The following PAPPA2 variants were observed in gnomAD, a reference collection of about 807,000 sequenced individuals.
PAPPA2 encodes pappalysin 2, also known as pappalysin-2.
PAPPA2 carries 86 observed loss-of-function variants against 176.4 expected under a neutral mutation model. The ratio of observed to expected loss-of-function variants is 0.49; its 90% CI spans 0.41 to 0.58. PAPPA2 has a LOEUF of 0.58. Ranked by LOEUF, PAPPA2 falls within the 20% of genes least tolerant of loss-of-function variation. PAPPA2 has a pLI of 0.00. For missense variants in PAPPA2, 2,073 were observed against 2,256.9 expected (o/e 0.92, Z 1.65); for synonymous variants, 809 against 852.2 (o/e 0.95, Z 0.88).
intron 1 of PAPPA2, among the ~76,000 whole-genome samples, chr1:176,499,708 G>T (rs1647851051): frequency 1.3e-5 from 2 of 152,080 alleles, no homozygotes; most frequent in South Asian, 4.1e-4. Flanking sequence ...TCTGAGGCCA[G>T]AAAAAAACCA....
At chr1:176,514,184 A>G (rs1648773417) in intron 1 of PAPPA2, among the ~76,000 whole-genome samples, 1 of 152,208 alleles carries the variant, frequency 6.6e-6, no homozygotes, top group Non-Finnish European at 1.5e-5. Context: ...ACTTCTGGTG[A>G]GGCCTCAGGA....
chr1:176,702,311 T>G (rs1373013757), intron 8 of PAPPA2, among the ~76,000 whole-genome samples: 1 of 152,220 alleles, frequency 6.6e-6, no homozygotes, highest in African/African-American at 2.4e-5. Flanking sequence ...AAAAATGCAC[T>G]TGAAATACCA....
intron 4 of PAPPA2, among the ~76,000 whole-genome samples, chr1:176,689,392 G>T (rs1659995236): frequency 6.6e-6 from 1 of 152,084 alleles, no homozygotes. Context: ...GGAGATTTAG[G>T]GGCAGTGAGG....
In PAPPA2 at chr1:176,594,839, G is replaced by A; in HGVS notation, c.1235G>A (p.Ser412Asn). The A allele has an allele frequency of 1.2e-6, 2 of 1,614,232 alleles. No individual in the cohort carries two copies. The highest frequency in any genetic ancestry group is 1.7e-6 in the Non-Finnish European group (2 of 1,180,046). The stretch of plus-strand genomic sequence containing the variant: ...CGCTCTTTGCTCCTGGGGGGAGACA[G>A]CTCTGAGGATGGGCACTATTTCCGT... Reference protein sequence around the residue: ...SCRSLLLGGDSSEDGHYFRGH... With the variant: ...SCRSLLLGGDNSEDGHYFRGH... The change falls in exon 3 of 23, where the codon AGC (serine) becomes AAC (asparagine). Residue 412 changes from serine to asparagine, a missense_variant. By Grantham distance (46) the Ser-to-Asn change is conservative. Coordinates refer to ENST00000367662, the MANE Select transcript of PAPPA2 (RefSeq NM_020318.3).
intron 21 of PAPPA2, among the ~76,000 whole-genome samples, chr1:176,816,795 A>G (rs1213474945): frequency 1.3e-5 from 2 of 152,086 alleles, no homozygotes; most frequent in Non-Finnish European, 2.9e-5. Context: ...GTCTGTGCCT[A>G]TATGGAAGAA....
At chr1:176,680,490 A>G (rs1044552612) in intron 4 of PAPPA2, among the ~76,000 whole-genome samples, 2 of 152,210 alleles carry the variant, frequency 1.3e-5, no homozygotes, top group Non-Finnish European at 2.9e-5. Context: ...TTATTTTGAG[A>G]TATTATACAT....
intron 10 of PAPPA2, among the ~76,000 whole-genome samples, chr1:176,709,026 T>C (rs1366017343): frequency 2.0e-5 from 3 of 152,206 alleles, no homozygotes; most frequent in Non-Finnish European, 2.9e-5. Context: ...TTGTAGGTGT[T>C]TCTCAGCTAT....
intron 20 of PAPPA2, among the ~76,000 whole-genome samples, chr1:176,794,106 C>G (rs1271385667): frequency 6.6e-6 from 1 of 152,160 alleles, no homozygotes; most frequent in Admixed American, 6.5e-5. Flanking sequence ...GTTTATTTGC[C>G]TTGCTCTGGG....
At chr1:176,627,318 A>G (rs1204084586) in intron 3 of PAPPA2, among the ~76,000 whole-genome samples, 1 of 152,172 alleles carries the variant, frequency 6.6e-6, no homozygotes, top group Non-Finnish European at 1.5e-5. Flanking sequence ...TGTTACCCAT[A>G]AGTTGTTTTT....
At chr1:176,623,964 C>T (rs888694688) in intron 3 of PAPPA2, among the ~76,000 whole-genome samples, 1 of 151,744 alleles carries the variant, frequency 6.6e-6, no homozygotes, top group African/African-American at 2.4e-5. Context: ...CTTCAGCCCC[C>T]CAAGTAGCTG....
chr1:176,823,195 T>G (rs1666731195), intron 21 of PAPPA2, among the ~76,000 whole-genome samples: 1 of 152,250 alleles, frequency 6.6e-6, no homozygotes, highest in South Asian at 2.1e-4. Flanking sequence ...TTAGGTTTTT[T>G]GTTTGTTTGT....
chr1:176,517,240 C>T (rs768766806), intron 1 of PAPPA2, among the ~76,000 whole-genome samples: 3 of 152,060 alleles, frequency 2.0e-5, no homozygotes, highest in Non-Finnish European at 2.9e-5. Flanking sequence ...GGGTCTTGAT[C>T]AATCTGCTAA....
At chr1:176,545,148 C>G (rs1451451327) in intron 1 of PAPPA2, among the ~76,000 whole-genome samples, 2 of 152,148 alleles carry the variant, frequency 1.3e-5, no homozygotes, top group East Asian at 3.8e-4. Context: ...AATTCCAGCC[C>G]TCTAACCATA....
chr1:176,590,054 C>T (rs1341412484), intron 2 of PAPPA2, among the ~76,000 whole-genome samples: 1 of 152,174 alleles, frequency 6.6e-6, no homozygotes, highest in African/African-American at 2.4e-5. Flanking sequence ...CTGGGATGGA[C>T]ACATTTTGTT....
At chr1:176,658,590 T>C (rs1249377524) in intron 3 of PAPPA2, among the ~76,000 whole-genome samples, 1 of 151,948 alleles carries the variant, frequency 6.6e-6, no homozygotes, top group Non-Finnish European at 1.5e-5. Context: ...AGAGGTGTTA[T>C]AGAAAAGAGG....
chr1:176,682,040 A>C lies in PAPPA2; in HGVS notation c.2138-8097A>C, dbSNP rs374712969. ...TCCCTTACTTATGCAGAACTTTCAC[A>C]GGGGGTCTTCCAGGACAGCCTTCAG... is the stretch of plus-strand genomic sequence containing the variant. On this transcript the variant is annotated intron_variant, in intron 4 of 22. Coordinates refer to ENST00000367662, the MANE Select transcript of PAPPA2 (RefSeq NM_020318.3). Among the ~76,000 whole-genome samples the C allele has an allele frequency of 6.6e-5, 10 of 152,320 alleles. No individual in the cohort carries two copies. In the East Asian group the frequency reaches 1.9e-3, roughly 29 times the overall value.
chr1:176,612,163 G>A (rs1398370449), intron 3 of PAPPA2, among the ~76,000 whole-genome samples: 1 of 152,174 alleles, frequency 6.6e-6, no homozygotes, highest in Non-Finnish European at 1.5e-5. Context: ...GGAGGCTGAT[G>A]TAGGCAGATC....
intron 17 of PAPPA2, among the ~76,000 whole-genome samples, chr1:176,780,074 T>C (rs1215570958): frequency 6.6e-6 from 1 of 152,180 alleles, no homozygotes; most frequent in Non-Finnish European, 1.5e-5. Context: ...CAAACTAGGG[T>C]CTTATCATTG....
At chr1:176,656,670 C>G (rs1658051091) in intron 3 of PAPPA2, among the ~76,000 whole-genome samples, 1 of 151,850 alleles carries the variant, frequency 6.6e-6, no homozygotes, top group Admixed American at 6.6e-5. Flanking sequence ...TGCTTCTTCT[C>G]TCTTCTCTTA....
Sources: allele counts gnomAD v4.1 joint callset (sites outside exome capture counted in the v4.1 genomes callset), GRCh38; gene constraint gnomAD v4.1.1; transcripts MANE v1.5; gene names NCBI Gene and HGNC (gene_info 2026-07-23, HGNC 2026-07-21).